ASAP1: variants seen among roughly 807,000 people sequenced by gnomAD.
ASAP1 encodes ArfGAP with SH3 domain, ankyrin repeat and PH domain 1, also known as arf-GAP with SH3 domain, ANK repeat and PH domain-containing protein 1.
ASAP1 carries 43 observed loss-of-function variants against 145.2 expected under a neutral mutation model. That is an observed-to-expected ratio of 0.30 (90% CI 0.23 to 0.38). The LOEUF (loss-of-function observed/expected upper bound fraction) is 0.38. ASAP1 is among the 10% of genes least tolerant of loss of function. ASAP1 has a pLI of 1.00. For synonymous variants in ASAP1, 546 were observed against 515.5 expected (o/e 1.06, Z -0.80); for missense variants, 1,018 against 1,355.3 (o/e 0.75, Z 3.91).
intron 9 of ASAP1, among the ~76,000 whole-genome samples, chr8:130,174,174 G>A (rs760650652): frequency 1.0e-4 from 15 of 150,094 alleles, no homozygotes; most frequent in South Asian, 4.2e-4. Context: ...CTTACTATAC[G>A]TGGTAACCTT....
At chr8:130,262,629 C>T (rs1364507756) in intron 3 of ASAP1, among the ~76,000 whole-genome samples, 10 of 152,044 alleles carry the variant, frequency 6.6e-5, no homozygotes, top group African/African-American at 2.2e-4. Context: ...AAAAGAACCC[C>T]TTACTTTCCA....
rs148916452 is a variant in ASAP1 at position 130,340,160 on chromosome 8, G to C, written c.186+17857C>G. On this transcript the variant is annotated intron_variant, in intron 3 of 29. Transcript: ENST00000518721. Reference sequence around the variant, plus strand: ...TTCTACGTGAAGAAAAGGCTGAAAGGACTGGCTGGAGAAATAACCCCAAAT... The same window carrying C: ...TTCTACGTGAAGAAAAGGCTGAAAGCACTGGCTGGAGAAATAACCCCAAAT... 5.0e-3 allele frequency among the ~76,000 whole-genome samples: 763 copies of C among 152,304 alleles called. 7 individuals are homozygous for C. Among genetic ancestry groups the C allele is most frequent in the Non-Finnish European group, 5.2e-3 (354 of 68,028 alleles).
At chr8:130,209,542 T>C (rs1816444976) in intron 5 of ASAP1, among the ~76,000 whole-genome samples, 1 of 138,548 alleles carries the variant, frequency 7.2e-6, no homozygotes, top group Non-Finnish European at 1.6e-5. Context: ...ATGGTCTTGC[T>C]CTTACAGTAA....
chr8:130,395,719 T>C (rs1586967862), intron 2 of ASAP1, among the ~76,000 whole-genome samples: 1 of 151,108 alleles, frequency 6.6e-6, no homozygotes, highest in Non-Finnish European at 1.5e-5. Context: ...CAGGCTGGAG[T>C]GCAGTGATGT....
At position 130,058,164 on chromosome 8, in the gene ASAP1, C is replaced by A. The variant is rs183257988; in HGVS notation, c.3193-88G>T. Reference sequence around the variant, plus strand: ...TTCTTTGTAAAATGGTTGACCTTGGCCAGTAACTTAACCTCGCTGAGCCTT... The same window carrying A: ...TTCTTTGTAAAATGGTTGACCTTGGACAGTAACTTAACCTCGCTGAGCCTT... On this transcript the variant is annotated intron_variant, in intron 28 of 29. Transcript: ENST00000518721. 464 of 1,467,918 alleles carry A rather than the reference C, an allele frequency of 3.2e-4. 1 individual carries two copies. The African/African-American group carries it at 5.9e-3, about 19-fold the overall frequency. The allele number at this position is 1,467,918 out of a possible 1,614,324, so 90.9% of individuals were successfully genotyped here.
intron 15 of ASAP1, among the ~76,000 whole-genome samples, chr8:130,131,000 C>CA (rs1220415545): frequency 6.6e-6 from 1 of 152,028 alleles, no homozygotes; most frequent in Non-Finnish European, 1.5e-5. Flanking sequence ...ACTAAAAACA[C>CA]AAAAAAATTA....
intron 3 of ASAP1, chr8:130,340,853 T>TA (rs1825331083): frequency 2.2e-6 from 1 of 455,426 alleles, no homozygotes; most frequent in Non-Finnish European, 4.4e-6. Context: ...TTGTGACTCT[T>TA]ATGATGGCTC....
chr8:130,099,363 G>A (rs1254891831), intron 24 of ASAP1, among the ~76,000 whole-genome samples: 1 of 151,920 alleles, frequency 6.6e-6, no homozygotes, highest in Non-Finnish European at 1.5e-5. Flanking sequence ...TGTATTTTTA[G>A]TAGAGACGGG....
chr8:130,231,899 C>A (rs1408123931), intron 4 of ASAP1, among the ~76,000 whole-genome samples: 2 of 152,188 alleles, frequency 1.3e-5, no homozygotes, highest in South Asian at 2.1e-4. Context: ...GGAAAGCCAG[C>A]CCCACTCCTA....
rs182366544 is a variant in ASAP1 at position 130,337,005 on chromosome 8, C to T, written c.186+21012G>A. Among the ~76,000 whole-genome samples the T allele has an allele frequency of 2.5e-3, 382 of 152,312 alleles. 2 individuals are homozygous for T. Among genetic ancestry groups the T allele is most frequent in the African/African-American group, 6.9e-3 (288 of 41,566 alleles). ...CAGAACCCCTGGAAGGATCCTGGGA[C>T]TTCCCACAGGGAACCCCAGACCATA... On this transcript the variant is annotated intron_variant, in intron 3 of 29. Transcript: ENST00000518721.
At chr8:130,397,720 A>G (rs1828598231) in intron 2 of ASAP1, among the ~76,000 whole-genome samples, 1 of 152,180 alleles carries the variant, frequency 6.6e-6, no homozygotes, top group Non-Finnish European at 1.5e-5. Context: ...CTTTTCCCCC[A>G]TCAAAGGGGT....
chr8:130,144,818 A>G (rs2097623482), intron 13 of ASAP1, among the ~76,000 whole-genome samples: 1 of 152,212 alleles, frequency 6.6e-6, no homozygotes, highest in African/African-American at 2.4e-5. Flanking sequence ...TCAAACATTT[A>G]TCACTGTATC....
chr8:130,177,353 A>C (rs962588460), intron 9 of ASAP1, among the ~76,000 whole-genome samples: 1 of 152,230 alleles, frequency 6.6e-6, no homozygotes, highest in Non-Finnish European at 1.5e-5. Context: ...TTAACGTGAA[A>C]ATAGATTTCT....
At chr8:130,316,820 T>C (rs531240655) in intron 3 of ASAP1, among the ~76,000 whole-genome samples, 1 of 152,372 alleles carries the variant, frequency 6.6e-6, no homozygotes, top group African/African-American at 2.4e-5. Flanking sequence ...TAAGCTTCTG[T>C]TTATTTGGGA....
chr8:130,117,811 T>C lies in ASAP1; in HGVS notation c.1880+350A>G, dbSNP rs190989149. ...TGTGTCCAATCTGTGCAGCAGATTT[T>C]TGGATACAGACATAATTTTACATTT... On this transcript the variant is annotated intron_variant, in intron 20 of 29. Transcript: ENST00000518721. Among the ~76,000 whole-genome samples, 115 of 152,350 alleles carry C rather than the reference T, an allele frequency of 7.5e-4. 1 individual carries two copies. The highest frequency in any genetic ancestry group is 2.4e-3 in the African/African-American group (98 of 41,584).
chr8:130,070,780 C>T (rs1195020142), intron 27 of ASAP1, among the ~76,000 whole-genome samples: 8 of 134,636 alleles, frequency 5.9e-5, no homozygotes, highest in African/African-American at 1.7e-4. Flanking sequence ...GATCATGCTA[C>T]CTGAGGAACT....
chr8:130,058,792 A>C (rs1244401948), intron 28 of ASAP1, among the ~76,000 whole-genome samples: 1 of 152,148 alleles, frequency 6.6e-6, no homozygotes, highest in Non-Finnish European at 1.5e-5. Context: ...TTTTGGGTGG[A>C]GTGCCTCTTC....
intron 1 of ASAP1, among the ~76,000 whole-genome samples, chr8:130,402,671 A>G (rs142397269): frequency 5.9e-4 from 90 of 152,098 alleles, no homozygotes; most frequent in African/African-American, 2.1e-3. Context: ...AGGGCGAAAA[A>G]CCGAGAGACA....
At chr8:130,191,255 A>G (rs1815120277) in intron 5 of ASAP1, among the ~76,000 whole-genome samples, 1 of 152,168 alleles carries the variant, frequency 6.6e-6, no homozygotes, top group Non-Finnish European at 1.5e-5. Context: ...GTTTTTACCT[A>G]CTTGTCTTCA....
Sources: allele counts gnomAD v4.1 joint callset (sites outside exome capture counted in the v4.1 genomes callset), GRCh38; gene constraint gnomAD v4.1.1; transcripts MANE v1.5; gene names NCBI Gene and HGNC (gene_info 2026-07-23, HGNC 2026-07-21).